IL1RAPL2: variants seen among roughly 807,000 people sequenced by gnomAD.
IL1RAPL2 encodes the protein X-linked interleukin-1 receptor accessory protein-like 2.
IL1RAPL2 carries 3 observed loss-of-function variants against 44.1 expected under a neutral mutation model. That is an observed-to-expected ratio of 0.07 (90% CI 0.03 to 0.18). The LOEUF (loss-of-function observed/expected upper bound fraction) is 0.18. IL1RAPL2 is among the 10% of genes least tolerant of loss of function. IL1RAPL2 has a pLI of 1.00. For missense variants in IL1RAPL2, 391 were observed against 496.4 expected (o/e 0.79, Z 2.02); for synonymous variants, 181 against 178.8 (o/e 1.01, Z -0.10).
intron 2 of IL1RAPL2, among the ~76,000 whole-genome samples, chrX:104,911,232 A>T (rs1323867704): frequency 1.8e-5 from 2 of 112,080 alleles, no homozygotes; most frequent in Non-Finnish European, 3.8e-5. Context: ...ACTGTCAAGA[A>T]TTAAATGTTC....
intron 2 of IL1RAPL2, among the ~76,000 whole-genome samples, chrX:104,864,651 C>T (rs972914782): frequency 1.1e-4 from 12 of 111,502 alleles, no homozygotes; most frequent in African/African-American, 3.9e-4. Flanking sequence ...AGATCCTCCC[C>T]CAATCTGGGT....
rs748088156 is a variant in IL1RAPL2, at chrX:104,874,373, G to A, written c.82+215378G>A. On this transcript the variant is annotated intron_variant, in intron 2 of 10. Transcript: ENST00000372582. ...GGGCAGGGTAGATGGGGTGGAACAT[G>A]TTTTTCTTTCCTCACCAGGGAAATT... Among the ~76,000 whole-genome samples the A allele has an allele frequency of 5.7e-5, 6 of 105,949 alleles. No homozygotes were observed. In the East Asian group the frequency reaches 1.9e-3, roughly 33 times the overall value. The allele number at this position is 105,949 out of a possible 115,157, so 92.0% of individuals were successfully genotyped here. A position where few individuals can be genotyped will look rare whatever the true frequency, so the allele number is the denominator to read the frequency against.
intron 2 of IL1RAPL2, among the ~76,000 whole-genome samples, chrX:104,692,807 G>T (rs1323463348): frequency 9.0e-6 from 1 of 111,548 alleles, no homozygotes; most frequent in African/African-American, 3.3e-5. Flanking sequence ...ATAAACATAC[G>T]TGTGCATGTG....
intron 1 of IL1RAPL2, among the ~76,000 whole-genome samples, chrX:104,578,374 C>A (rs1449274494): frequency 8.9e-6 from 1 of 112,071 alleles, no homozygotes; most frequent in Non-Finnish European, 1.9e-5. Context: ...TGGCATGAGC[C>A]TCAAAGAGGC....
chrX:105,291,975 C>G (rs1053654029), intron 5 of IL1RAPL2, among the ~76,000 whole-genome samples: 2 of 110,960 alleles, frequency 1.8e-5, no homozygotes, highest in African/African-American at 6.6e-5. Flanking sequence ...TTCCTCAGGG[C>G]TAACTGTGGG....
intron 2 of IL1RAPL2, among the ~76,000 whole-genome samples, chrX:104,912,187 G>A (rs1484257786): frequency 9.6e-6 from 1 of 103,758 alleles, no homozygotes; most frequent in African/African-American, 3.6e-5. Context: ...GTTTTGTTTT[G>A]TTTTGCTGTA....
At chrX:105,254,737 G>A (rs921708752) in intron 4 of IL1RAPL2, among the ~76,000 whole-genome samples, 2 of 111,905 alleles carry the variant, frequency 1.8e-5, no homozygotes, top group East Asian at 2.8e-4. Context: ...TGTATATGAT[G>A]TAAGGAAGGG....
chrX:104,846,361 G>A (rs755576774), intron 2 of IL1RAPL2, among the ~76,000 whole-genome samples: 12 of 107,056 alleles, frequency 1.1e-4, no homozygotes, highest in South Asian at 4.4e-4. Context: ...CCCACCCCAC[G>A]ACAGGCCCCG....
intron 2 of IL1RAPL2, among the ~76,000 whole-genome samples, chrX:105,151,494 C>T (rs1475576483): frequency 9.1e-6 from 1 of 109,332 alleles, no homozygotes; most frequent in Non-Finnish European, 1.9e-5. Context: ...GGCACATTTA[C>T]GATGTAGAAG....
intron 2 of IL1RAPL2, among the ~76,000 whole-genome samples, chrX:105,080,243 T>C (rs758432570): frequency 8.9e-6 from 1 of 112,091 alleles, no homozygotes; most frequent in South Asian, 3.8e-4. Context: ...ATTTGTCTAT[T>C]TTGGCTTTTG....
At chrX:104,596,607 A>ATT (rs1398404170) in intron 1 of IL1RAPL2, among the ~76,000 whole-genome samples, 1 of 111,345 alleles carries the variant, frequency 9.0e-6, no homozygotes, top group Non-Finnish European at 1.9e-5. Context: ...TTGTCCCTGC[A>ATT]TTGTTTGGCT....
chrX:105,133,689 G>C (rs377527262), intron 2 of IL1RAPL2, among the ~76,000 whole-genome samples: 2 of 111,827 alleles, frequency 1.8e-5, no homozygotes, highest in African/African-American at 6.5e-5. Context: ...CCAAGGTCAA[G>C]GCACCAGCAG....
intron 2 of IL1RAPL2, among the ~76,000 whole-genome samples, chrX:104,878,901 C>A (rs1922982782): frequency 9.1e-6 from 1 of 109,964 alleles, no homozygotes; most frequent in South Asian, 3.8e-4. Flanking sequence ...ACCCAGGATA[C>A]CTGAAGTTGG....
chrX:105,021,747 G>A (rs1009840498), intron 2 of IL1RAPL2, among the ~76,000 whole-genome samples: 1 of 111,450 alleles, frequency 9.0e-6, no homozygotes, highest in Admixed American at 9.6e-5. Context: ...AACAATACGT[G>A]GGTATTTGCC....
intron 2 of IL1RAPL2, among the ~76,000 whole-genome samples, chrX:104,887,707 G>A (rs1366765000): frequency 1.8e-5 from 2 of 111,771 alleles, no homozygotes; most frequent in Non-Finnish European, 3.8e-5. Flanking sequence ...AATCGAGCAT[G>A]ACTGCCACAA....
chrX:104,874,784 G>A (rs1011778672), intron 2 of IL1RAPL2, among the ~76,000 whole-genome samples: 1 of 111,493 alleles, frequency 9.0e-6, no homozygotes, highest in Non-Finnish European at 1.9e-5. Context: ...ACTGAACCAA[G>A]ATTCTGTCAT....
intron 1 of IL1RAPL2, among the ~76,000 whole-genome samples, chrX:104,646,220 T>A (rs1204241613): frequency 9.0e-6 from 1 of 110,899 alleles, no homozygotes; most frequent in Non-Finnish European, 1.9e-5. Flanking sequence ...TGACATTTCA[T>A]AGGGATTAAT....
chrX:104,685,476 T>A (rs901936115), intron 2 of IL1RAPL2, among the ~76,000 whole-genome samples: 4 of 111,367 alleles, frequency 3.6e-5, no homozygotes, highest in Non-Finnish European at 7.5e-5. Flanking sequence ...CCTACTTAGA[T>A]TTAAATCTGA....
intron 4 of IL1RAPL2, among the ~76,000 whole-genome samples, chrX:105,256,385 A>G (rs890738112): frequency 9.3e-5 from 10 of 108,004 alleles, no homozygotes; most frequent in African/African-American, 3.4e-4. Flanking sequence ...CTGGAGAGCA[A>G]TGGTGTGATC....
Sources: gnomAD v4.1 joint callset for allele counts (sites outside exome capture counted in the v4.1 genomes callset) on GRCh38, gnomAD v4.1.1 for gene constraint, MANE v1.5 for transcripts, NCBI Gene and HGNC (gene_info 2026-07-23, HGNC 2026-07-21) for gene names.